Variants in PCDH11X observed in about 807,000 individuals in gnomAD.
The protein encoded by PCDH11X is protocadherin-11 X-linked.
A neutral mutation model predicts 53.3 loss-of-function variants in PCDH11X; 18 were observed. That is an observed-to-expected ratio of 0.34 (90% CI 0.23 to 0.50). PCDH11X has a LOEUF of 0.50. Ranked by LOEUF, PCDH11X falls within the 20% of genes least tolerant of loss-of-function variation. PCDH11X has a pLI of 0.98. For missense variants in PCDH11X, 570 were observed against 1,032.4 expected, an observed-to-expected ratio of 0.55 and a Z score of 6.14; for synonymous variants, 279 against 393.3, an observed-to-expected ratio of 0.71 and a Z score of 3.44.
At chrX:91,807,082 A>G (rs1055386791) in intron 1 of PCDH11X, among the ~76,000 whole-genome samples, 21 of 109,326 alleles carry the variant, frequency 1.9e-4, no homozygotes, top group African/African-American at 6.7e-4. Flanking sequence ...CTGAAAGCCC[A>G]TAATTCCAGT....
intron 9 of PCDH11X, among the ~76,000 whole-genome samples, chrX:92,453,509 C>T (rs1454536500): frequency 1.8e-5 from 2 of 110,743 alleles, no homozygotes; most frequent in East Asian, 5.7e-4. Flanking sequence ...AATTTTGACA[C>T]AAGAAATGCT....
At chrX:92,212,501 C>T (rs1383824121) in intron 7 of PCDH11X, among the ~76,000 whole-genome samples, 1 of 111,253 alleles carries the variant, frequency 9.0e-6, no homozygotes, top group Non-Finnish European at 1.9e-5. Context: ...CAGGCGTGTG[C>T]CACCATGCCT....
intron 1 of PCDH11X, among the ~76,000 whole-genome samples, chrX:91,791,554 C>CT (rs1168123546): frequency 2.7e-5 from 3 of 109,614 alleles, no homozygotes; most frequent in Admixed American, 9.7e-5. Context: ...TCCTTCAACA[C>CT]TGGGGATTAA....
At chrX:92,097,391 C>A (rs1377382158) in intron 6 of PCDH11X, among the ~76,000 whole-genome samples, 2 of 100,063 alleles carry the variant, frequency 2.0e-5, no homozygotes, top group Non-Finnish European at 4.0e-5. Context: ...GACTGGGAAA[C>A]AGACTGAGCC....
intron 8 of PCDH11X, among the ~76,000 whole-genome samples, chrX:92,331,843 C>A (rs1385695579): frequency 9.0e-6 from 1 of 111,469 alleles, no homozygotes; most frequent in African/African-American, 3.3e-5. Context: ...AATATACATT[C>A]TCTCAAGTGT....
At chrX:91,895,459 T>C in intron 6 of PCDH11X, among the ~76,000 whole-genome samples, 1 of 110,569 alleles carries the variant, frequency 9.0e-6, no homozygotes, top group Middle Eastern at 4.7e-3. Flanking sequence ...AACTATGGAT[T>C]CTCTCGGACA....
chrX:92,357,121 T>A (rs1375603446), intron 8 of PCDH11X, among the ~76,000 whole-genome samples: 1 of 24,531 alleles, frequency 4.1e-5, no homozygotes, highest in African/African-American at 1.3e-4. Flanking sequence ...AGGCCTCACT[T>A]TTTTTTTTTA....
Position 92,038,315 on chromosome X carries a change from G to T in PCDH11X, c.3033+159042G>T, listed in dbSNP as rs1183350816. ...AGGATAACATGGTTTTGTGGGCCAGGCTCAAGGTCCCCATGCTGTGTACAG... is the reference window on the plus strand; with the variant it reads ...AGGATAACATGGTTTTGTGGGCCAGTCTCAAGGTCCCCATGCTGTGTACAG... On this transcript the variant is annotated intron_variant, in intron 6 of 10. Coordinates refer to ENST00000682573, the MANE Select transcript of PCDH11X (RefSeq NM_032968.5). Among the ~76,000 whole-genome samples, 22 of 110,075 alleles carry T rather than the reference G, an allele frequency of 2.0e-4. No individual in the cohort carries two copies. The Admixed American group carries it at 2.1e-3, about 11-fold the overall frequency.
chrX:92,573,874 C>T (rs1456303835), intron 10 of PCDH11X, among the ~76,000 whole-genome samples: 1 of 109,485 alleles, frequency 9.1e-6, no homozygotes, highest in Non-Finnish European at 1.9e-5. Flanking sequence ...TTCCCTATTC[C>T]ACAGAGAAAA....
chrX:92,216,315 A>G (rs762406748), intron 7 of PCDH11X, among the ~76,000 whole-genome samples: 1 of 109,140 alleles, frequency 9.2e-6, no homozygotes, highest in South Asian at 4.1e-4. Flanking sequence ...AAAAATTTAG[A>G]CGAATGTATA....
At chrX:92,280,950 A>G (rs895664926) in intron 8 of PCDH11X, among the ~76,000 whole-genome samples, 4 of 111,242 alleles carry the variant, frequency 3.6e-5, no homozygotes, top group African/African-American at 1.3e-4. Flanking sequence ...AGGAACTGCT[A>G]AAGTATGTGG....
At chrX:92,599,199 G>T (rs191202767) in intron 10 of PCDH11X, among the ~76,000 whole-genome samples, 22 of 111,695 alleles carry the variant, frequency 2.0e-4, no homozygotes, top group Middle Eastern at 4.7e-3. Context: ...AATATAATTA[G>T]ATTGTTTATA....
intron 6 of PCDH11X, among the ~76,000 whole-genome samples, chrX:92,183,086 C>A (rs768929605): frequency 9.0e-6 from 1 of 110,957 alleles, no homozygotes; most frequent in Non-Finnish European, 1.9e-5. Flanking sequence ...TCCTGTGGGA[C>A]ACTACCTTCA....
chrX:92,430,663 C>A (rs1219908042), intron 9 of PCDH11X, among the ~76,000 whole-genome samples: 1 of 98,844 alleles, frequency 1.0e-5, no homozygotes, highest in South Asian at 4.6e-4. Context: ...TATGTCATTT[C>A]TGTTGTGGAA....
At chrX:91,895,986 T>A (rs1940739897) in intron 6 of PCDH11X, among the ~76,000 whole-genome samples, 1 of 103,183 alleles carries the variant, frequency 9.7e-6, no homozygotes, top group Admixed American at 1.1e-4. Context: ...ATAGTATATA[T>A]AAATATAAAG....
At chrX:92,082,810 CACA>C (rs1244775003) in intron 6 of PCDH11X, among the ~76,000 whole-genome samples, 1 of 111,887 alleles carries the variant, frequency 8.9e-6, no homozygotes, top group Admixed American at 9.6e-5. Context: ...AACACATTTT[CACA>C]ACAAGTGGCT....
chrX:92,610,921 T>G (rs1275430355), intron 10 of PCDH11X, among the ~76,000 whole-genome samples: 2 of 111,400 alleles, frequency 1.8e-5, no homozygotes, highest in Non-Finnish European at 3.8e-5. Context: ...GCAACTTTAT[T>G]TCTGGGTTCT....
chrX:92,266,901 C>T (rs778799171), intron 8 of PCDH11X, among the ~76,000 whole-genome samples: 5 of 109,491 alleles, frequency 4.6e-5, no homozygotes, highest in Non-Finnish European at 7.6e-5. Context: ...CCTGCCACCA[C>T]GCCTGGCTAA....
Position 92,546,535 on chromosome X carries a change from A to G in PCDH11X, c.3368-71729A>G, listed in dbSNP as rs1263002703. Among the ~76,000 whole-genome samples, 4 of 109,825 alleles carry G rather than the reference A, an allele frequency of 3.6e-5. No homozygotes were observed. The Admixed American group carries it at 3.8e-4, about 11-fold the overall frequency. Reference sequence around the variant, plus strand: ...TGGATAGCAAAAAAATTGAAATCTCATATGTTAATGCAAGGAAAAAAAATA... The same window carrying G: ...TGGATAGCAAAAAAATTGAAATCTCGTATGTTAATGCAAGGAAAAAAAATA... On this transcript the variant is annotated intron_variant, in intron 10 of 10. Transcript: ENST00000682573.
Sources: allele counts gnomAD v4.1 joint callset (sites outside exome capture counted in the v4.1 genomes callset), GRCh38; gene constraint gnomAD v4.1.1; transcripts MANE v1.5; gene names NCBI Gene and HGNC (gene_info 2026-07-23, HGNC 2026-07-21).